TMC3: variants seen among roughly 807,000 people sequenced by gnomAD.
The protein encoded by TMC3 is transmembrane channel-like protein 3.
Under a neutral mutation model 110.6 loss-of-function variants are expected in TMC3, and 98 were observed. The ratio of observed to expected loss-of-function variants is 0.89; its 90% CI spans 0.75 to 1.05. TMC3 has a LOEUF of 1.05. Among genes scored for constraint, TMC3 ranks in the 50% least tolerant of loss-of-function variants. The pLI, the probability that TMC3 is intolerant of heterozygous loss-of-function variation, is 0.00. For missense variants in TMC3, 1,319 were observed against 1,373.2 expected, an observed-to-expected ratio of 0.96 and a Z score of 0.62; for synonymous variants, 489 against 513.1, an observed-to-expected ratio of 0.95 and a Z score of 0.63.
chr15:81,362,101 T>G (rs1347092266), intron 4 of TMC3, 119 bp downstream of exon 4: 4 of 800,742 alleles, frequency 5.0e-6, no homozygotes, highest in Admixed American at 2.3e-5. Flanking sequence ...CCAGTGACTC[T>G]GCTATGAGGG....
Position 81,374,086 on chromosome 15 carries a change from A to G in TMC3, c.-9T>C. The G allele has an allele frequency of 1.2e-6, 2 of 1,612,872 alleles. No individual in the cohort carries two copies. The highest frequency in any genetic ancestry group is 2.2e-5 in the South Asian group (2 of 90,878). On this transcript the variant is annotated 5_prime_UTR_variant, in exon 1 of 22. Transcript: ENST00000359440. ...GCCTTCGAGGTTTTCATGGGAGCTA[A>G]CCCACTGCTAACAATCAGAAGCTGG...
At chr15:81,362,197 A>G in intron 4 of TMC3, 23 bp downstream of exon 4, 1 of 1,579,518 alleles carries the variant, frequency 6.3e-7, no homozygotes, top group Middle Eastern at 1.7e-4. Flanking sequence ...TTCCTGCCCC[A>G]CTCTCCAGGT....
At chr15:81,343,772 T>A in intron 14 of TMC3, 145 bp downstream of exon 14, 1 of 772,482 alleles carries the variant, frequency 1.3e-6, no homozygotes, top group Non-Finnish European at 1.9e-6. Flanking sequence ...AAGTAGAAGC[T>A]CAGCTTTCTG....
At chr15:81,365,827 G>A (rs1177803457) in intron 3 of TMC3, among the ~76,000 whole-genome samples, 1 of 152,072 alleles carries the variant, frequency 6.6e-6, no homozygotes, top group Non-Finnish European at 1.5e-5. Context: ...ACATGTCCAC[G>A]CAGAAGATAT....
Position 81,332,489 on chromosome 15 carries a change from C to T in TMC3, c.3233G>A (p.Ser1078Asn). The change falls in exon 22 of 22, where the codon AGC (serine) becomes AAC (asparagine). Residue 1078 changes from serine (S) to asparagine (N), a missense_variant. Ser to Asn is a conservative substitution (Grantham distance 46). Transcript: ENST00000359440. ...GRFPRSVGQP[S>N]RRKAKSGQEL... is the part of the protein sequence containing the mutation. ...CTGCCCCGACTTGGCCTTCCTCCTG[C>T]TGGGCTGGCCCACGGACCTCGGGAA... 6.2e-7 allele frequency: 1 copy of T among 1,613,196 alleles called. No homozygotes were observed.
chr15:81,369,359 T>G (rs1894385319), intron 2 of TMC3, among the ~76,000 whole-genome samples: 1 of 151,992 alleles, frequency 6.6e-6, no homozygotes, highest in Non-Finnish European at 1.5e-5. Flanking sequence ...GTCTCCATCT[T>G]AATAGCCCAG....
Position 81,347,673 on chromosome 15 carries a change from T to C in TMC3, c.1194-1230A>G, listed in dbSNP as rs188507675. ...ACTGAAATAATATGTCTTATGCTTA[T>C]TACCAGAATTAGCCCTAATTTGTCT... On this transcript the variant is annotated intron_variant, in intron 11 of 21. Transcript: ENST00000359440. 1.6e-3 allele frequency among the ~76,000 whole-genome samples: 240 copies of C among 152,362 alleles called. 1 individual carries two copies. The highest frequency in any genetic ancestry group is 5.5e-3 in the African/African-American group (227 of 41,588).
At chr15:81,334,637 A>T in intron 21 of TMC3, 83 bp downstream of exon 21, 1 of 1,487,986 alleles carries the variant, frequency 6.7e-7, no homozygotes, top group South Asian at 1.4e-5. Flanking sequence ...ATTAGAATTT[A>T]ATGGCCTTGG....
At chr15:81,370,372 G>A (rs1894407546) in intron 2 of TMC3, among the ~76,000 whole-genome samples, 3 of 152,294 alleles carry the variant, frequency 2.0e-5, no homozygotes, top group South Asian at 2.1e-4. Flanking sequence ...GTGATGGAGA[G>A]GAGATATGCG....
chr15:81,353,135 T>TA lies in TMC3; in HGVS notation c.936-1295dup, dbSNP rs1298386437. On this transcript the variant is annotated intron_variant, in intron 9 of 21. Coordinates refer to ENST00000359440, the MANE Select transcript of TMC3 (RefSeq NM_001080532.3). ...CCACATCCGGCCTGGTCTTAGTTTT[T>TA]AACAAAAAAAGTGTAAAAAGTTAAA... Among the ~76,000 whole-genome samples the TA allele has an allele frequency of 5.6e-4, 85 of 151,946 alleles. 2 individuals carry two copies. The highest frequency in any genetic ancestry group is 4.4e-5 in the Non-Finnish European group (3 of 67,994).
chr15:81,338,665 G>A lies in TMC3; in HGVS notation c.2071C>T (p.Leu691Phe). Residue 691 changes from leucine (L) to phenylalanine (F), a missense_variant, in exon 18 of 22, where the codon CTC becomes TTC. By Grantham distance (22) the Leu-to-Phe change is conservative. Transcript: ENST00000359440. ...SSPVVILPAVLLLFMLIYYLQ... is the reference protein window; with the variant it reads ...SSPVVILPAVFLLFMLIYYLQ... ...AGGTGTGGTACTCACAAAAGCAGGA[G>A]TACTGCGGGCAGGATGACCACGGGG... is the stretch of plus-strand genomic sequence containing the variant. 6.2e-7 allele frequency: 1 copy of A among 1,613,980 alleles called. No individual in the cohort carries two copies. The highest frequency in any genetic ancestry group is 8.5e-7 in the Non-Finnish European group (1 of 1,179,872).
At chr15:81,356,355 A>C in intron 8 of TMC3, 92 bp downstream of exon 8, 1 of 1,372,864 alleles carries the variant, frequency 7.3e-7, no homozygotes, top group Non-Finnish European at 9.8e-7. Context: ...ATCAATGGGA[A>C]GAGGATGGTT....
At position 81,336,637 on chromosome 15, in the gene TMC3, A is replaced by G; in HGVS notation, c.2175T>C (p.Asp725=). The G allele has an allele frequency of 5.6e-6, 9 of 1,613,952 alleles. No homozygotes were observed. Among genetic ancestry groups the G allele is most frequent in the Non-Finnish European group, 7.6e-6 (9 of 1,179,880 alleles). The change falls in exon 20 of 22, where the codon GAT becomes GAC. Residue 725 remains aspartate, a synonymous_variant. Transcript: ENST00000359440. The part of the protein sequence containing the change: ...KMQIQNARSE[D]KKKVAQMVEA... ...CTACCATCTGGGCAACCTTTTTCTT[A>G]TCCTCTGATCTTGCCTAAAATGCAA...
In TMC3 at chr15:81,346,397, G is replaced by T. The variant is rs1893829720; in HGVS notation, c.1240C>A (p.Leu414Ile). 6.2e-7 allele frequency: 1 copy of T among 1,613,836 alleles called. No homozygotes were observed. Among genetic ancestry groups the T allele is most frequent in the Non-Finnish European group, 8.5e-7 (1 of 1,179,856 alleles). ...CTCATGCTGTTAACTTTGTCCAGGA[G>T]AGCAATGATCAGGCTGTAGAGATTT... ...LGNLYSLIIA[L>I]LDKVNSMSIE... Residue 414 changes from leucine to isoleucine, a missense_variant, in exon 12 of 22, where the codon CTC (leucine) becomes ATC (isoleucine). Coordinates refer to ENST00000359440, the MANE Select transcript of TMC3 (RefSeq NM_001080532.3).
In TMC3 at chr15:81,338,863, C is replaced by A. The variant is rs1003441595; in HGVS notation, c.1956-83G>T. 17 of 1,478,286 alleles carry A rather than the reference C, an allele frequency of 1.1e-5. No individual in the cohort carries two copies. The African/African-American group carries it at 1.9e-4, about 17-fold the overall frequency. The allele number at this position is 1,478,286 out of a possible 1,614,324, so 91.6% of individuals were successfully genotyped here. ...AAGACATCAGAAAATGGCTGGATGC[C>A]TGGAGGCCAATTCATAACATTCCTC... On this transcript the variant is annotated intron_variant, in intron 17 of 21. Coordinates refer to ENST00000359440, the MANE Select transcript of TMC3 (RefSeq NM_001080532.3).
chr15:81,358,080 G>C, intron 7 of TMC3, 69 bp downstream of exon 7: 2 of 1,453,210 alleles, frequency 1.4e-6, no homozygotes, highest in Non-Finnish European at 1.8e-6. Context: ...TGATGAAGCT[G>C]TAAGAAAATA....
At chr15:81,368,411 A>G (rs1286892704) in intron 2 of TMC3, 83 bp from the exon 3 acceptor site, 11 of 1,032,854 alleles carry the variant, frequency 1.1e-5, no homozygotes, top group African/African-American at 1.6e-5. Flanking sequence ...CAACAGGAAT[A>G]GGTTGCCATC....
chr15:81,345,433 TTCTC>T (rs576074867), intron 12 of TMC3, among the ~76,000 whole-genome samples: 112 of 152,316 alleles, frequency 7.4e-4, no homozygotes, highest in African/African-American at 2.6e-3. Context: ...AGAAAAATGA[TTCTC>T]TGTGGCCTCG....
At chr15:81,344,711 G>A (rs1893786813) in intron 13 of TMC3, 55 bp downstream of exon 13, 1 of 1,546,476 alleles carries the variant, frequency 6.5e-7, no homozygotes, top group African/African-American at 1.4e-5. Flanking sequence ...GAGAGTTGCT[G>A]GGGTTAAGTG....
Sources: gnomAD v4.1 joint callset for allele counts (sites outside exome capture counted in the v4.1 genomes callset) on GRCh38, gnomAD v4.1.1 for gene constraint, MANE v1.5 for transcripts, NCBI Gene and HGNC (gene_info 2026-07-23, HGNC 2026-07-21) for gene names.